The following MYOF variants were observed in gnomAD, a reference collection of about 807,000 sequenced individuals.
The protein encoded by MYOF is myoferlin.
Under a neutral mutation model 284.2 loss-of-function variants are expected in MYOF, and 244 were observed. That is an observed-to-expected ratio of 0.86 (90% CI 0.77 to 0.95). The LOEUF (loss-of-function observed/expected upper bound fraction) is 0.95. Among genes scored for constraint, MYOF ranks in the 40% least tolerant of loss-of-function variants. The probability of loss-of-function intolerance (pLI) is 0.00; values close to 1 mark genes in which losing one functional copy is unlikely to be tolerated. For synonymous variants in MYOF, 904 were observed against 919.7 expected (o/e 0.98, Z 0.31); for missense variants, 2,496 against 2,560.6 (o/e 0.97, Z 0.54).
At chr10:93,426,301 G>A (rs1848587482) in intron 4 of MYOF, 143 bp from the exon 5 acceptor site, 1 of 767,488 alleles carries the variant, frequency 1.3e-6, no homozygotes. Context: ...GAAACGGGGA[G>A]AGGGACACAA....
intron 5 of MYOF, among the ~76,000 whole-genome samples, chr10:93,415,809 G>T (rs118009415): frequency 3.2e-3 from 485 of 152,116 alleles, no homozygotes; most frequent in Non-Finnish European, 4.3e-3. Context: ...CTTTCTACTG[G>T]ATCATTCCCA....
At chr10:93,360,053 T>C (rs779165873) in intron 28 of MYOF, 75 bp from the exon 29 acceptor site, 8 of 1,549,676 alleles carry the variant, frequency 5.2e-6, no homozygotes, top group Non-Finnish European at 7.1e-6. Context: ...CGAGGAAACA[T>C]TTGTTCACTC....
rs569973239 is a variant in MYOF at position 93,479,227 on chromosome 10, G to A, written c.88+2880C>T. On this transcript the variant is annotated intron_variant, in intron 1 of 53. Coordinates refer to ENST00000359263, the MANE Select transcript of MYOF (RefSeq NM_013451.4). ...GCGATCTCTGCTCACTGGAACCTCC[G>A]CCTCCCAGGCTCAAGTGATTCTCCT... 3.3e-5 allele frequency among the ~76,000 whole-genome samples: 5 copies of A among 150,738 alleles called. No individual in the cohort carries two copies. In the East Asian group the frequency reaches 5.9e-4, roughly 18 times the overall value.
intron 23 of MYOF, 96 bp downstream of exon 23, chr10:93,374,667 T>C (rs1845753221): frequency 7.9e-7 from 1 of 1,260,018 alleles, no homozygotes; most frequent in Admixed American, 2.3e-5. Flanking sequence ...TCCAAGATAA[T>C]GTAGTAGATT....
intron 12 of MYOF, among the ~76,000 whole-genome samples, chr10:93,400,499 G>A (rs140481057): frequency 1.7e-4 from 26 of 152,018 alleles, no homozygotes; most frequent in African/African-American, 5.3e-4. Flanking sequence ...AGGTGGGTAT[G>A]GGGAGGCCCT....
intron 5 of MYOF, among the ~76,000 whole-genome samples, chr10:93,425,365 T>C (rs1848540104): frequency 6.6e-6 from 1 of 152,048 alleles, no homozygotes; most frequent in African/African-American, 2.4e-5. Flanking sequence ...CAGAGACTTT[T>C]AGCATCACGT....
At chr10:93,335,838 C>T in intron 41 of MYOF, 83 bp downstream of exon 41, 3 of 1,516,358 alleles carry the variant, frequency 2.0e-6, no homozygotes, top group Admixed American at 2.0e-5. Flanking sequence ...GTGCCCCTCC[C>T]TAGAGCCTGG....
At chr10:93,478,571 C>T (rs2057316974) in intron 1 of MYOF, among the ~76,000 whole-genome samples, 2 of 151,964 alleles carry the variant, frequency 1.3e-5, no homozygotes, top group Admixed American at 6.6e-5. Flanking sequence ...GCGCTCATAC[C>T]TGTAATCCCA....
chr10:93,318,461 G>C (rs568446707), intron 49 of MYOF, among the ~76,000 whole-genome samples: 1 of 151,964 alleles, frequency 6.6e-6, no homozygotes, highest in South Asian at 2.1e-4. Context: ...CATCCCACTG[G>C]TATTAAAACA....
chr10:93,340,885 T>C (rs534237557), intron 38 of MYOF, among the ~76,000 whole-genome samples: 12 of 152,312 alleles, frequency 7.9e-5, no homozygotes, highest in Admixed American at 7.8e-4. Context: ...AAGCTCGTCC[T>C]CAGCAGCAGT....
chr10:93,405,320 C>T (rs570287563), intron 7 of MYOF, among the ~76,000 whole-genome samples: 3 of 152,316 alleles, frequency 2.0e-5, no homozygotes, highest in South Asian at 4.1e-4. Context: ...AAAACTTTAG[C>T]TTTTCAAAGA....
At chr10:93,375,587 A>G (rs1050460974) in intron 22 of MYOF, among the ~76,000 whole-genome samples, 4 of 152,124 alleles carry the variant, frequency 2.6e-5, no homozygotes, top group African/African-American at 9.7e-5. Context: ...TTGTCCTCCT[A>G]TTTTCAAATG....
At position 93,347,604 on chromosome 10, in the gene MYOF, C is replaced by A. The variant is rs1468500591; in HGVS notation, c.4249+13G>T. The A allele has an allele frequency of 1.2e-6, 2 of 1,602,384 alleles. No homozygotes were observed. The highest frequency in any genetic ancestry group is 2.3e-5 in the East Asian group (1 of 44,438). ...GAAAAGCCCCCAGACTTATGCACAGCCTTGCATGTTACCTTTGAGCTGTGG... is the reference window on the plus strand; with the variant it reads ...GAAAAGCCCCCAGACTTATGCACAGACTTGCATGTTACCTTTGAGCTGTGG... On this transcript the variant is annotated intron_variant, in intron 37 of 53. Coordinates refer to ENST00000359263, the MANE Select transcript of MYOF (RefSeq NM_013451.4).
At chr10:93,389,282 G>A in intron 17 of MYOF, 128 bp from the exon 18 acceptor site, 1 of 1,039,360 alleles carries the variant, frequency 9.6e-7, no homozygotes, top group Non-Finnish European at 1.3e-6. Flanking sequence ...ATTAATGCAA[G>A]TTGTAAGCAC....
At chr10:93,431,742 T>C (rs940910691) in intron 3 of MYOF, among the ~76,000 whole-genome samples, 4 of 137,136 alleles carry the variant, frequency 2.9e-5, no homozygotes, top group Non-Finnish European at 4.5e-5. Flanking sequence ...AATTTCTTTC[T>C]TTTCTTTTTT....
At chr10:93,322,955 A>G in intron 48 of MYOF, 123 bp downstream of exon 48, 1 of 946,074 alleles carries the variant, frequency 1.1e-6, no homozygotes, top group Admixed American at 1.8e-5. Context: ...AGATCACATT[A>G]ATGAGATAAA....
intron 50 of MYOF, among the ~76,000 whole-genome samples, chr10:93,316,430 G>A (rs1286805437): frequency 2.0e-5 from 3 of 151,978 alleles, no homozygotes; most frequent in African/African-American, 7.3e-5. Context: ...TTTGAAAGTG[G>A]ATGTAGGAGT....
At position 93,409,694 on chromosome 10, in the gene MYOF, G is replaced by T. The variant is rs1326020699; in HGVS notation, c.479C>A (p.Ala160Glu). Reference sequence around the variant, plus strand: ...CCCCTTGGGCCCAGGGCCCCTGACTGCATTGTCCAACCTGTCTTCATCACC... The same window carrying T: ...CCCCTTGGGCCCAGGGCCCCTGACTTCATTGTCCAACCTGTCTTCATCACC... ...DEGDEDRLDN[A>E]VRGPGPKGPV... The change falls in exon 6 of 54, where the codon GCA (alanine) becomes GAA (glutamate). Residue 160 changes from alanine to glutamate, a missense_variant. By Grantham distance (107) the Ala-to-Glu change is moderately radical. Transcript: ENST00000359263. The T allele has an allele frequency of 6.2e-7, 1 of 1,614,200 alleles. No individual in the cohort carries two copies. The highest frequency in any genetic ancestry group is 2.2e-5 in the East Asian group (1 of 44,886).
Position 93,444,318 on chromosome 10 carries a change from G to A in MYOF, c.236+7732C>T, listed in dbSNP as rs547746858. Reference sequence around the variant, plus strand: ...GCACTGTGCTAAGTGCTGGTCTTACGGCATTGAACAAGAGTGACATGGAGT... The same window carrying A: ...GCACTGTGCTAAGTGCTGGTCTTACAGCATTGAACAAGAGTGACATGGAGT... On this transcript the variant is annotated intron_variant, in intron 3 of 53. Coordinates refer to ENST00000359263, the MANE Select transcript of MYOF (RefSeq NM_013451.4). 3.3e-5 allele frequency among the ~76,000 whole-genome samples: 5 copies of A among 152,262 alleles called. No individual in the cohort carries two copies. The South Asian group carries it at 8.3e-4, about 25-fold the overall frequency.
Sources: allele counts gnomAD v4.1 joint callset (sites outside exome capture counted in the v4.1 genomes callset), GRCh38; gene constraint gnomAD v4.1.1; transcripts MANE v1.5; gene names NCBI Gene and HGNC (gene_info 2026-07-23, HGNC 2026-07-21).